CHSY1: variants seen among roughly 807,000 people sequenced by gnomAD.
CHSY1 encodes chondroitin sulfate synthase 1, also known as N-acetylgalactosaminyl-proteoglycan 3-beta-glucuronosyltransferase 1.
CHSY1 carries 13 observed loss-of-function variants against 59.8 expected under a neutral mutation model. The ratio of observed to expected loss-of-function variants is 0.22; its 90% CI spans 0.14 to 0.35. CHSY1 has a LOEUF of 0.35. Among genes scored for constraint, CHSY1 ranks in the 10% least tolerant of loss-of-function variants. CHSY1 has a pLI of 1.00. For missense variants in CHSY1, 947 were observed against 1,030.6 expected, an observed-to-expected ratio of 0.92 and a Z score of 1.11; for synonymous variants, 459 against 401.2, an observed-to-expected ratio of 1.14 and a Z score of -1.72.
chr15:101,177,134 A>G lies in CHSY1; in HGVS notation c.*254T>C. On this transcript the variant is annotated 3_prime_UTR_variant, in exon 3 of 3. Transcript: ENST00000254190. ...GTCTCAAAAGAAAACATTTTTTTAA[A>G]AAAGTTTTGTTCATCAGGTACATTT... 2.6e-6 allele frequency: 1 copy of G among 390,510 alleles called. No individual in the cohort carries two copies. Among genetic ancestry groups the G allele is most frequent in the Non-Finnish European group, 4.6e-6 (1 of 218,044 alleles). 24.2% of individuals were successfully genotyped at this position (390,510 alleles called of 1,614,324 possible). A position where few individuals can be genotyped will look rare whatever the true frequency, so the allele number is the denominator to read the frequency against.
intron 2 of CHSY1, among the ~76,000 whole-genome samples, chr15:101,232,313 T>A (rs2038900220): frequency 6.6e-6 from 1 of 152,212 alleles, no homozygotes. Context: ...TACAGGAAGT[T>A]TAATAAAAGT....
intron 2 of CHSY1, among the ~76,000 whole-genome samples, chr15:101,179,526 T>C (rs1167327049): frequency 6.6e-6 from 1 of 152,138 alleles, no homozygotes; most frequent in East Asian, 1.9e-4. Flanking sequence ...CCTGCGAGGA[T>C]GCTGCAGGGA....
intron 2 of CHSY1, among the ~76,000 whole-genome samples, chr15:101,190,129 T>C (rs2038425525): frequency 6.6e-6 from 1 of 152,066 alleles, no homozygotes; most frequent in African/African-American, 2.4e-5. Flanking sequence ...TCATATGAAG[T>C]CTGAGGGGGG....
At chr15:101,205,930 C>T (rs369585057) in intron 2 of CHSY1, among the ~76,000 whole-genome samples, 33 of 149,972 alleles carry the variant, frequency 2.2e-4, no homozygotes, top group African/African-American at 7.1e-4. Flanking sequence ...CCAGCCTGGG[C>T]GAAAGAGAGA....
At chr15:101,192,223 T>G (rs533129391) in intron 2 of CHSY1, among the ~76,000 whole-genome samples, 8 of 152,308 alleles carry the variant, frequency 5.3e-5, no homozygotes, top group Non-Finnish European at 1.0e-4. Flanking sequence ...AAGTACTTGC[T>G]GAATAAATGA....
chr15:101,177,714 T>C lies in CHSY1; in HGVS notation c.2083A>G (p.Ile695Val), dbSNP rs1299039024. The change falls in exon 3 of 3, where the codon ATC (isoleucine) becomes GTC (valine). Residue 695 changes from isoleucine (I) to valine (V), a missense_variant. This residue lies in a region of CHSY1 where 602 missense variants were observed against 676.9 expected (regional missense o/e 0.89). Transcript: ENST00000254190. ...TGFWRNYGFG[I>V]TCIYKGDLVR... is the part of the protein sequence containing the mutation. ...AGATCTCCCTTATAAATACACGTGATGCCAAACCCATAGTTTCTCCAGAAG... is the reference window on the plus strand; with the variant it reads ...AGATCTCCCTTATAAATACACGTGACGCCAAACCCATAGTTTCTCCAGAAG... The C allele has an allele frequency of 1.2e-6, 2 of 1,614,212 alleles. No individual in the cohort carries two copies. The highest frequency in any genetic ancestry group is 2.7e-5 in the African/African-American group (2 of 75,074).
At chr15:101,229,776 A>G (rs1187194927) in intron 2 of CHSY1, among the ~76,000 whole-genome samples, 1 of 151,920 alleles carries the variant, frequency 6.6e-6, no homozygotes, top group Admixed American at 6.6e-5. Context: ...GCATGGTGGC[A>G]TACTCCTGTA....
In CHSY1 at chr15:101,177,752, G is replaced by C; in HGVS notation, c.2045C>G (p.Thr682Ser). The C allele has an allele frequency of 6.2e-7, 1 of 1,614,212 alleles. No homozygotes were observed. The highest frequency in any genetic ancestry group is 8.5e-7 in the Non-Finnish European group (1 of 1,180,048). The part of the protein sequence containing the change: ...KVPSDNHFAF[T>S]QKTGFWRNYG... Reference sequence around the variant, plus strand: ...GTTTCTCCAGAAGCCAGTTTTCTGAGTAAAGGCAAAATGGTTGTCACTGGG... The same window carrying C: ...GTTTCTCCAGAAGCCAGTTTTCTGACTAAAGGCAAAATGGTTGTCACTGGG... The change falls in exon 3 of 3, where the codon ACT (threonine) becomes AGT (serine). Residue 682 changes from threonine (T) to serine (S), a missense_variant. Thr to Ser is a moderately conservative substitution (Grantham distance 58, BLOSUM62 1). Transcript: ENST00000254190.
At chr15:101,201,006 G>C (rs1296747527) in intron 2 of CHSY1, among the ~76,000 whole-genome samples, 1 of 152,058 alleles carries the variant, frequency 6.6e-6, no homozygotes, top group African/African-American at 2.4e-5. Context: ...TTCCCTGCCT[G>C]AGCCAGGGTC....
At chr15:101,203,819 G>A (rs2038597510) in intron 2 of CHSY1, among the ~76,000 whole-genome samples, 1 of 152,232 alleles carries the variant, frequency 6.6e-6, no homozygotes, top group East Asian at 1.9e-4. Context: ...TTTCAACAAC[G>A]TCAAGGTCAT....
At chr15:101,201,404 G>C (rs957215020) in intron 2 of CHSY1, among the ~76,000 whole-genome samples, 1 of 152,224 alleles carries the variant, frequency 6.6e-6, no homozygotes, top group Admixed American at 6.5e-5. Flanking sequence ...GAACAAGGTG[G>C]GGACGAGTGA....
chr15:101,198,723 G>A (rs2038535923), intron 2 of CHSY1, among the ~76,000 whole-genome samples: 1 of 152,198 alleles, frequency 6.6e-6, no homozygotes, highest in Admixed American at 6.5e-5. Flanking sequence ...CAGGGCAGGG[G>A]TCGGCACACT....
chr15:101,248,477 G>A (rs78239627), intron 1 of CHSY1, among the ~76,000 whole-genome samples: 1 of 152,176 alleles, frequency 6.6e-6, no homozygotes, highest in East Asian at 1.9e-4. Flanking sequence ...AGAGATAAAA[G>A]GAAACTTCTG....
chr15:101,211,951 G>T (rs1286556969), intron 2 of CHSY1, among the ~76,000 whole-genome samples: 2 of 149,406 alleles, frequency 1.3e-5, no homozygotes, highest in African/African-American at 4.9e-5. Flanking sequence ...GTGGCTTAAA[G>T]ACAGGAGAAC....
intron 2 of CHSY1, among the ~76,000 whole-genome samples, chr15:101,227,074 T>C (rs1200598167): frequency 1.3e-5 from 2 of 152,156 alleles, no homozygotes; most frequent in Non-Finnish European, 2.9e-5. Context: ...TTTGCAGTAA[T>C]CCAGACAGTA....
intron 2 of CHSY1, among the ~76,000 whole-genome samples, chr15:101,218,582 T>C (rs1035605645): frequency 1.1e-4 from 17 of 152,316 alleles, no homozygotes; most frequent in South Asian, 2.1e-4. Flanking sequence ...GCCACTGCAC[T>C]CCAGCAGTGC....
chr15:101,239,938 A>C (rs893609662), intron 1 of CHSY1, among the ~76,000 whole-genome samples: 1 of 152,232 alleles, frequency 6.6e-6, no homozygotes, highest in African/African-American at 2.4e-5. Flanking sequence ...TACAACCAGC[A>C]CAGACGCAAT....
At chr15:101,193,786 G>A (rs1034154376) in intron 2 of CHSY1, among the ~76,000 whole-genome samples, 1 of 152,164 alleles carries the variant, frequency 6.6e-6, no homozygotes, top group Admixed American at 6.5e-5. Flanking sequence ...GACACGCTGG[G>A]GATAGCACCA....
At chr15:101,180,472 G>C (rs763678856) in intron 2 of CHSY1, among the ~76,000 whole-genome samples, 1 of 152,166 alleles carries the variant, frequency 6.6e-6, no homozygotes, top group Admixed American at 6.5e-5. Context: ...AAGGTGGTGA[G>C]GTTTTCTGTG....
Sources: allele counts gnomAD v4.1 joint callset (sites outside exome capture counted in the v4.1 genomes callset), GRCh38; gene constraint gnomAD v4.1.1; regional missense constraint gnomAD v4.1.1; transcripts MANE v1.5; gene names NCBI Gene and HGNC (gene_info 2026-07-23, HGNC 2026-07-21).